Variants in ATP2B2 observed in about 807,000 individuals in gnomAD.
The protein encoded by ATP2B2 is ATPase plasma membrane Ca2+ transporting 2, also known as plasma membrane calcium-transporting ATPase 2.
ATP2B2 carries 15 observed loss-of-function variants against 120.0 expected under a neutral mutation model. The ratio of observed to expected loss-of-function variants is 0.12; its 90% CI spans 0.08 to 0.19. ATP2B2 has a LOEUF of 0.19. ATP2B2 is among the 10% of genes least tolerant of loss of function. The pLI is 1.00. For synonymous variants in ATP2B2, 694 were observed against 700.3 expected, an observed-to-expected ratio of 0.99 and a Z score of 0.14; for missense variants, 1,045 against 1,719.8, an observed-to-expected ratio of 0.61 and a Z score of 6.94.
intron 1 of ATP2B2, among the ~76,000 whole-genome samples, chr3:10,629,247 G>A (rs1193910762): frequency 2.6e-5 from 4 of 152,150 alleles, no homozygotes; most frequent in Non-Finnish European, 4.4e-5. Flanking sequence ...GCGTCACCTG[G>A]CTCGACCTCC....
intron 3 of ATP2B2, among the ~76,000 whole-genome samples, chr3:10,533,627 G>A (rs1326681834): frequency 6.6e-6 from 1 of 152,216 alleles, no homozygotes; most frequent in African/African-American, 2.4e-5. Context: ...CTGGGGCATG[G>A]CCCAGAGGGT....
At chr3:10,369,232 T>C (rs1367048469) in intron 12 of ATP2B2, among the ~76,000 whole-genome samples, 1 of 152,156 alleles carries the variant, frequency 6.6e-6, no homozygotes, top group African/African-American at 2.4e-5. Context: ...GTTTGGAGGG[T>C]GGCCGGATGT....
chr3:10,627,616 A>G (rs2069741142), intron 1 of ATP2B2, among the ~76,000 whole-genome samples: 1 of 152,136 alleles, frequency 6.6e-6, no homozygotes. Context: ...ATCCTTGTGC[A>G]AGGTCGGGTG....
intron 16 of ATP2B2, among the ~76,000 whole-genome samples, chr3:10,349,629 T>C (rs776062953): frequency 3.3e-5 from 5 of 151,886 alleles, no homozygotes; most frequent in African/African-American, 7.3e-5. Flanking sequence ...CAAACGTTGG[T>C]TGGGGGCCTC....
upstream of ATP2B2, among the ~76,000 whole-genome samples, chr3:10,509,503 G>C (rs551023368): frequency 6.6e-6 from 1 of 152,196 alleles, no homozygotes; most frequent in African/African-American, 2.4e-5. Context: ...TTACAGAAAA[G>C]AAAATTGAGA....
intron 2 of ATP2B2, among the ~76,000 whole-genome samples, chr3:10,595,506 C>T (rs1205997496): frequency 6.6e-6 from 1 of 152,170 alleles, no homozygotes; most frequent in Non-Finnish European, 1.5e-5. Flanking sequence ...TAAACTATTA[C>T]CCTCACGGTG....
intron 14 of ATP2B2, among the ~76,000 whole-genome samples, chr3:10,353,102 T>C (rs1487816487): frequency 6.6e-6 from 1 of 152,184 alleles, no homozygotes; most frequent in Non-Finnish European, 1.5e-5. Context: ...TAACACAACC[T>C]TTCTTTTTTC....
At chr3:10,394,058 T>G (rs1034036544) in intron 5 of ATP2B2, among the ~76,000 whole-genome samples, 1 of 151,984 alleles carries the variant, frequency 6.6e-6, no homozygotes, top group Admixed American at 6.6e-5. Context: ...TTGCAGAGGG[T>G]GTAGGACAGT....
rs948723500 is a variant in ATP2B2 at position 10,395,515 on chromosome 3, G to A, written c.781+5438C>T. ...CATCACATCTGCATGATGAGGAGGAGAGTGAGATTTGTCAGAGAGCAAAGA... is the reference window on the plus strand; with the variant it reads ...CATCACATCTGCATGATGAGGAGGAAAGTGAGATTTGTCAGAGAGCAAAGA... On this transcript the variant is annotated intron_variant, in intron 5 of 22. Coordinates refer to ENST00000360273, the MANE Select transcript of ATP2B2 (RefSeq NM_001001331.4). Among the ~76,000 whole-genome samples, 5 of 152,254 alleles carry A rather than the reference G, an allele frequency of 3.3e-5. No individual in the cohort carries two copies. The East Asian group carries it at 9.6e-4, about 29-fold the overall frequency.
At chr3:10,499,521 T>C (rs1253499765) in intron 1 of ATP2B2, among the ~76,000 whole-genome samples, 1 of 152,252 alleles carries the variant, frequency 6.6e-6, no homozygotes, top group African/African-American at 2.4e-5. Flanking sequence ...ATTAGTACTA[T>C]TATGATGAAC....
At chr3:10,623,054 C>CA (rs2069594854) in intron 1 of ATP2B2, among the ~76,000 whole-genome samples, 1 of 106,644 alleles carries the variant, frequency 9.4e-6, no homozygotes, top group South Asian at 3.4e-4. Flanking sequence ...TTGGTCAGCT[C>CA]TTTTTTTTTT....
intron 1 of ATP2B2, among the ~76,000 whole-genome samples, chr3:10,468,915 G>A (rs983923759): frequency 3.3e-5 from 5 of 152,242 alleles, no homozygotes; most frequent in African/African-American, 4.8e-5. Flanking sequence ...AACACACTTC[G>A]GTAGTTTTGT....
chr3:10,594,664 T>C (rs955239301), intron 2 of ATP2B2, among the ~76,000 whole-genome samples: 10 of 151,664 alleles, frequency 6.6e-5, no homozygotes, highest in African/African-American at 2.4e-4. Flanking sequence ...CATGTATACA[T>C]ATGTAACAAA....
chr3:10,328,946 C>T lies in ATP2B2; in HGVS notation c.3600G>A (p.Ser1200=), dbSNP rs770854430. 3.3e-5 allele frequency: 53 copies of T among 1,613,642 alleles called. 1 individual carries two copies. The highest frequency in any genetic ancestry group is 3.2e-4 in the South Asian group (29 of 91,056). Residue 1200 remains serine (S), a synonymous_variant, in exon 23 of 23, where the codon TCG becomes TCA. Coordinates refer to ENST00000360273, the MANE Select transcript of ATP2B2 (RefSeq NM_001001331.4). The part of the protein sequence containing the change: ...LEEDAALKQN[S]SPPSSLNKNN... ...TCTTGTTGAGGGATGACGGCGGGCTCGAGTTCTGCTTGAGCGCGGCATCTT... is the reference window on the plus strand; with the variant it reads ...TCTTGTTGAGGGATGACGGCGGGCTTGAGTTCTGCTTGAGCGCGGCATCTT...
intron 1 of ATP2B2, among the ~76,000 whole-genome samples, chr3:10,652,766 T>C (rs542805825): frequency 6.6e-6 from 1 of 152,284 alleles, no homozygotes; most frequent in South Asian, 2.1e-4. Context: ...CAGTTGAATA[T>C]TGTTCGGCCT....
At position 10,358,966 on chromosome 3, in the gene ATP2B2, C is replaced by T. The variant is rs770596171; in HGVS notation, c.1902-41G>A. ...AGGGAGATGGGGAGCCCAGGGAATG[C>T]TCCTTCTGAAAGGCTTAGAGACCAC... On this transcript the variant is annotated intron_variant, in intron 13 of 22. Coordinates refer to ENST00000360273, the MANE Select transcript of ATP2B2 (RefSeq NM_001001331.4). The T allele has an allele frequency of 6.3e-6, 10 of 1,596,098 alleles. No homozygotes were observed. The Middle Eastern group carries it at 8.3e-4, about 133-fold the overall frequency.
At position 10,350,475 on chromosome 3, in the gene ATP2B2, T is replaced by C; in HGVS notation, c.2239A>G (p.Ile747Val). The change falls in exon 15 of 23, where the codon ATC becomes GTC. Residue 747 changes from isoleucine (I) to valine (V), a missense_variant. Physicochemically the swap from Ile to Val is conservative, Grantham distance 29. Coordinates refer to ENST00000360273, the MANE Select transcript of ATP2B2 (RefSeq NM_001001331.4). ...AGAAAGTCCTCCCCAGGATGGATGA[T>C]GCCACACTTGATGGCGATGGCCCGA... ...TARAIAIKCG[I>V]IHPGEDFLCL... 3.1e-6 allele frequency: 5 copies of C among 1,614,230 alleles called. No individual in the cohort carries two copies. The highest frequency in any genetic ancestry group is 1.1e-5 in the South Asian group (1 of 91,088).
At chr3:10,403,788 G>A (rs1291234154) in intron 3 of ATP2B2, among the ~76,000 whole-genome samples, 1 of 152,218 alleles carries the variant, frequency 6.6e-6, no homozygotes, top group Non-Finnish European at 1.5e-5. Flanking sequence ...CCTGTTCAGA[G>A]AGAAGCAGAG....
chr3:10,417,068 GC>G lies in ATP2B2; in HGVS notation c.200-6254del, dbSNP rs200183993. On this transcript the variant is annotated intron_variant, in intron 2 of 22. Coordinates refer to ENST00000360273, the MANE Select transcript of ATP2B2 (RefSeq NM_001001331.4). Reference sequence around the variant, plus strand: ...GGTGCTCCTCACTTCCCAGACGGCGGCGGGGGGGGGCGGGCAGAGGGGCTCC... The same window carrying G: ...GGTGCTCCTCACTTCCCAGACGGCGGGGGGGGGGGCGGGCAGAGGGGCTCC... Among the ~76,000 whole-genome samples, 183 of 140,080 alleles carry G rather than the reference GC, an allele frequency of 1.3e-3. 8 individuals carry two copies. The South Asian group carries it at 0.024, about 19-fold the overall frequency. The allele number at this position is 140,080 out of a possible 152,430, so 91.9% of individuals were successfully genotyped here. A position where few individuals can be genotyped will look rare whatever the true frequency, so the allele number is the denominator to read the frequency against.
Sources: gnomAD v4.1 joint callset for allele counts (sites outside exome capture counted in the v4.1 genomes callset) on GRCh38, gnomAD v4.1.1 for gene constraint, MANE v1.5 for transcripts, NCBI Gene and HGNC (gene_info 2026-07-23, HGNC 2026-07-21) for gene names.